The following RFC3 variants were observed in gnomAD, a reference collection of about 807,000 sequenced individuals.
RFC3 encodes A1 38 kDa subunit.
A neutral mutation model predicts 45.1 loss-of-function variants in RFC3; 41 were observed. That is an observed-to-expected ratio of 0.91 (90% CI 0.71 to 1.18). The LOEUF is 1.18. Among genes scored for constraint, RFC3 ranks in the 50% most tolerant of loss-of-function variants. RFC3 has a pLI of 0.00. For synonymous variants in RFC3, 149 were observed against 144.0 expected, an observed-to-expected ratio of 1.03 and a Z score of -0.25; for missense variants, 423 against 428.1, an observed-to-expected ratio of 0.99 and a Z score of 0.10.
At chr13:33,936,681 T>C (rs2082888764) in intron 8 of RFC3, among the ~76,000 whole-genome samples, 1 of 152,124 alleles carries the variant, frequency 6.6e-6, no homozygotes, top group African/African-American at 2.4e-5. Flanking sequence ...GAGAGAGCCC[T>C]GGAACAGATT....
At position 33,878,325 on chromosome 13, in the gene RFC3, A is replaced by G. The variant is rs144070780; in HGVS notation, c.879+43108A>G. On this transcript the variant is annotated intron_variant, in intron 8 of 8. Coordinates refer to the RFC3 transcript ENST00000434425. ...TGACAGGACTAGTTAGGAGGGACCA[A>G]TTACAGTTTCCACAAGAACCCATGA... 2.1e-3 allele frequency among the ~76,000 whole-genome samples: 321 copies of G among 152,300 alleles called. 4 individuals are homozygous for G. Among genetic ancestry groups the G allele is most frequent in the African/African-American group, 7.5e-3 (310 of 41,570 alleles).
At chr13:33,963,247 T>C (rs1329659) in intron 8 of RFC3, among the ~76,000 whole-genome samples, 141,156 of 152,184 alleles carry the variant, frequency 0.93, 66,363 homozygotes, top group East Asian at 1. Flanking sequence ...TTTATTTTCT[T>C]TTCTTGCTAG....
At chr13:33,954,659 C>G (rs2083011049) in intron 8 of RFC3, among the ~76,000 whole-genome samples, 1 of 152,172 alleles carries the variant, frequency 6.6e-6, no homozygotes, top group African/African-American at 2.4e-5. Context: ...CAGGTGTCTG[C>G]TGAGGACCCA....
At chr13:33,945,536 C>T (rs1327878433) in intron 8 of RFC3, among the ~76,000 whole-genome samples, 4 of 152,132 alleles carry the variant, frequency 2.6e-5, no homozygotes, top group South Asian at 2.1e-4. Flanking sequence ...GTCTGGGTAA[C>T]GAGGCTCTGT....
chr13:33,827,999 GA>G lies in RFC3; in HGVS notation c.392-1825del, dbSNP rs951052798. Among the ~76,000 whole-genome samples the G allele has an allele frequency of 2.0e-3, 280 of 143,140 alleles. 1 individual carries two copies. The highest frequency in any genetic ancestry group is 5.0e-3 in the African/African-American group (196 of 39,380). The allele number at this position is 143,140 out of a possible 152,430, so 93.9% of individuals were successfully genotyped here. A position where few individuals can be genotyped will look rare whatever the true frequency, so the allele number is the denominator to read the frequency against. On this transcript the variant is annotated intron_variant, in intron 4 of 8. Transcript: ENST00000380071. The stretch of plus-strand genomic sequence containing the variant: ...ACAAGACCCGATCTTGCCAAAGGAA[GA>G]AAAAAAAAAAATTAGGCTCATGCCT...
chr13:33,914,131 T>G (rs2082719364), intron 8 of RFC3, among the ~76,000 whole-genome samples: 1 of 151,622 alleles, frequency 6.6e-6, no homozygotes. Context: ...CATGGTCAAT[T>G]ATAATAATAT....
At chr13:33,846,477 A>G (rs576641807) in intron 8 of RFC3, 1 of 152,384 alleles carries the variant, frequency 6.6e-6, no homozygotes, top group South Asian at 2.1e-4. Context: ...CAGGTCTCCA[A>G]GTTGCAAGAC....
chr13:33,827,424 T>C (rs1440092088), intron 4 of RFC3, among the ~76,000 whole-genome samples: 3 of 152,250 alleles, frequency 2.0e-5, no homozygotes, highest in Non-Finnish European at 2.9e-5. Context: ...ATGATATGTG[T>C]ATGTAAATAT....
In RFC3 at chr13:33,825,838, G is replaced by A. The variant is rs2082044189; in HGVS notation, c.343G>A (p.Val115Met). 1 of 1,607,798 alleles carries A rather than the reference G, an allele frequency of 6.2e-7. No homozygotes were observed. Among genetic ancestry groups the A allele is most frequent in the Admixed American group, 1.7e-5 (1 of 59,094 alleles). The change falls in exon 4 of 9, where the codon GTG becomes ATG. Residue 115 changes from valine (V) to methionine (M), a missense_variant. Transcript: ENST00000380071. Reference protein sequence around the residue: ...RVVIQEMLKTVAQSQQLETNS... With the variant: ...RVVIQEMLKTMAQSQQLETNS... ...AGTCATTCAGGAGATGTTGAAAACA[G>A]TGGCACAATCACAACAACTTGAAAC...
chr13:33,975,174 T>C, the RFC3 span, among the ~76,000 whole-genome samples: 1 of 152,216 alleles, frequency 6.6e-6, no homozygotes, highest in Admixed American at 6.5e-5. Flanking sequence ...GAACAAACTG[T>C]AGTATGCTCA....
In RFC3 at chr13:33,836,823, A is replaced by G. The variant is rs1283487586; in HGVS notation, c.*528A>G. Reference sequence around the variant, plus strand: ...GATACCATTTCTGTTGAGGCTGCAGATTTCCAACTTTTATTTCAGTGGTTC... The same window carrying G: ...GATACCATTTCTGTTGAGGCTGCAGGTTTCCAACTTTTATTTCAGTGGTTC... On this transcript the variant is annotated 3_prime_UTR_variant, in exon 9 of 9. Transcript: ENST00000380071. 2 of 985,682 alleles carry G rather than the reference A, an allele frequency of 2.0e-6. No homozygotes were observed. Among genetic ancestry groups the G allele is most frequent in the Non-Finnish European group, 2.4e-6 (2 of 830,202 alleles). The allele number at this position is 985,682 out of a possible 1,614,324, so 61.1% of individuals were successfully genotyped here.
chr13:33,829,061 T>G (rs2082077683), intron 4 of RFC3, among the ~76,000 whole-genome samples: 1 of 152,228 alleles, frequency 6.6e-6, no homozygotes, highest in Non-Finnish European at 1.5e-5. Context: ...TTCTTTGTTT[T>G]GGAATCTTTA....
chr13:33,954,362 G>T (rs2083008257), intron 8 of RFC3, among the ~76,000 whole-genome samples: 1 of 152,116 alleles, frequency 6.6e-6, no homozygotes, highest in African/African-American at 2.4e-5. Context: ...CTGAGTGATG[G>T]TCATTTCATC....
At chr13:33,972,916 A>G in the RFC3 span, among the ~76,000 whole-genome samples, 1 of 152,190 alleles carries the variant, frequency 6.6e-6, no homozygotes, top group South Asian at 2.1e-4. Flanking sequence ...GCTTTATGGG[A>G]CCTACCTTGC....
the RFC3 span, among the ~76,000 whole-genome samples, chr13:33,975,347 G>A: frequency 6.6e-6 from 1 of 152,186 alleles, no homozygotes; most frequent in Non-Finnish European, 1.5e-5. Flanking sequence ...GAACTATGGA[G>A]ATAGTAAACG....
chr13:33,900,331 A>T (rs1384241125), intron 8 of RFC3, among the ~76,000 whole-genome samples: 1 of 152,032 alleles, frequency 6.6e-6, no homozygotes, highest in African/African-American at 2.4e-5. Context: ...GAAAACAGAC[A>T]CATAGACCAA....
chr13:33,834,154 CT>C (rs928230441), intron 7 of RFC3, among the ~76,000 whole-genome samples: 144 of 142,522 alleles, frequency 1.0e-3, no homozygotes, highest in Middle Eastern at 3.6e-3. Flanking sequence ...AATGCTAGTT[CT>C]TTTTTTTTTT....
chr13:33,857,256 A>G (rs1018463652), intron 8 of RFC3, among the ~76,000 whole-genome samples: 1 of 152,198 alleles, frequency 6.6e-6, no homozygotes, highest in South Asian at 2.1e-4. Context: ...AATCTCTGAC[A>G]TGCTACATTA....
chr13:33,920,403 G>C (rs1396062741), intron 8 of RFC3, among the ~76,000 whole-genome samples: 1 of 140,684 alleles, frequency 7.1e-6, no homozygotes, highest in Non-Finnish European at 1.5e-5. Flanking sequence ...GTGAGTTTTA[G>C]AATTTGTACA....
Sources: gnomAD v4.1 joint callset for allele counts (sites outside exome capture counted in the v4.1 genomes callset) on GRCh38, gnomAD v4.1.1 for gene constraint, MANE v1.5 for transcripts, NCBI Gene and HGNC (gene_info 2026-07-23, HGNC 2026-07-21) for gene names.